Variants in TAF3 observed in about 807,000 individuals in gnomAD.
The protein encoded by TAF3 is TATA-box binding protein associated factor 3, also known as transcription initiation factor TFIID subunit 3.
TAF3 carries 7 observed loss-of-function variants against 80.6 expected under a neutral mutation model. The observed-to-expected ratio is 0.09, with a 90% CI of 0.05 to 0.16. The LOEUF (loss-of-function observed/expected upper bound fraction) is 0.16, where lower values mean the gene tolerates loss of function less well. Among genes scored for constraint, TAF3 ranks in the 10% least tolerant of loss-of-function variants. TAF3 has a pLI of 1.00. For missense variants in TAF3, 921 were observed against 1,140.2 expected (o/e 0.81, Z 2.77); for synonymous variants, 444 against 446.1 (o/e 1.00, Z 0.06).
At chr10:7,968,883 G>A (rs749573126) in intron 3 of TAF3, among the ~76,000 whole-genome samples, 2 of 152,224 alleles carry the variant, frequency 1.3e-5, no homozygotes, top group Non-Finnish European at 2.9e-5. Context: ...TTTTCTATTA[G>A]TGATGATAAA....
intron 2 of TAF3, among the ~76,000 whole-genome samples, chr10:7,940,626 G>A (rs1327649260): frequency 6.6e-6 from 1 of 152,120 alleles, no homozygotes. Flanking sequence ...GACAGTTCTT[G>A]TAAAGTAGAT....
At chr10:7,995,477 T>A (rs548065170) in intron 4 of TAF3, among the ~76,000 whole-genome samples, 29 of 152,322 alleles carry the variant, frequency 1.9e-4, no homozygotes, top group African/African-American at 6.5e-4. Context: ...TTCTAGTGTA[T>A]CTCATTGCAA....
chr10:7,994,668 GA>G (rs1831867222), intron 4 of TAF3, among the ~76,000 whole-genome samples: 1 of 151,918 alleles, frequency 6.6e-6, no homozygotes, highest in Non-Finnish European at 1.5e-5. Context: ...TTTCACATTA[GA>G]AATCCTGAGT....
intron 4 of TAF3, among the ~76,000 whole-genome samples, chr10:7,990,609 A>G (rs1364889441): frequency 6.6e-6 from 1 of 152,220 alleles, no homozygotes; most frequent in Non-Finnish European, 1.5e-5. Context: ...ACATTAAAAG[A>G]AGAAAAATGG....
chr10:7,888,706 A>G (rs1395796784), intron 2 of TAF3, among the ~76,000 whole-genome samples: 1 of 152,194 alleles, frequency 6.6e-6, no homozygotes, highest in East Asian at 1.9e-4. Context: ...AATATACTAT[A>G]CTAATTATAA....
Position 8,015,962 on chromosome 10 carries a change from G to A in TAF3, c.*1211G>A. ...TAATATTGTGCTTTAAGGCTGAAAT[G>A]AAGTATATTATGAATTTTTTTAAGA... On this transcript the variant is annotated 3_prime_UTR_variant, in exon 7 of 7. Transcript: ENST00000344293. 6.6e-6 allele frequency: 1 copy of A among 151,904 alleles called. No homozygotes were observed. The highest frequency in any genetic ancestry group is 2.1e-4 in the South Asian group (1 of 4,812). The allele number at this position is 151,904 out of a possible 1,614,324, so 9.4% of individuals were successfully genotyped here.
At chr10:7,920,010 G>GAT in intron 2 of TAF3, among the ~76,000 whole-genome samples, 2 of 152,016 alleles carry the variant, frequency 1.3e-5, no homozygotes, top group Non-Finnish European at 2.9e-5. Context: ...TTTTAGGAGG[G>GAT]TGAGGCAGGA....
At chr10:7,954,308 A>C (rs1838113443) in intron 2 of TAF3, among the ~76,000 whole-genome samples, 1 of 139,032 alleles carries the variant, frequency 7.2e-6, no homozygotes, top group Non-Finnish European at 1.6e-5. Flanking sequence ...TGAGATTCAG[A>C]GTGCACTCCA....
At chr10:7,919,382 G>T (rs551040307) in intron 2 of TAF3, among the ~76,000 whole-genome samples, 1 of 152,288 alleles carries the variant, frequency 6.6e-6, no homozygotes, top group East Asian at 1.9e-4. Context: ...CTGAAATCTT[G>T]CAGGGTGTAC....
chr10:7,863,718 T>TACACACACATATATATATACACACAC (rs766163037), intron 2 of TAF3, among the ~76,000 whole-genome samples: 6 of 52,568 alleles, frequency 1.1e-4, no homozygotes, highest in East Asian at 6.7e-4. Flanking sequence ...CATATATATA[T>TACACACACATATATATATACACACAC]ACACATATAT....
Position 7,965,737 on chromosome 10 carries a change from G to T in TAF3, c.2227G>T (p.Glu743Ter). 1 of 1,529,698 alleles carries T rather than the reference G, an allele frequency of 6.5e-7. No individual in the cohort carries two copies. Among genetic ancestry groups the T allele is most frequent in the South Asian group, 1.4e-5 (1 of 72,470 alleles). 94.8% of individuals were successfully genotyped at this position (1,529,698 alleles called of 1,614,324 possible). The change falls in exon 3 of 7, where the codon GAA becomes TAA. Residue 743 changes from glutamate (E) to a stop codon, truncating the protein, a stop_gained. Coordinates refer to ENST00000344293, the MANE Select transcript of TAF3 (RefSeq NM_031923.4). LOFTEE classifies it high-confidence loss of function. Reference sequence around the variant, plus strand: ...AAAAGAGAAGGAGAAACACAAGCATGAAAAAGTAAGCAGTTTCTCATTTTT... The same window carrying T: ...AAAAGAGAAGGAGAAACACAAGCATTAAAAAGTAAGCAGTTTCTCATTTTT... ...REKEKEKHKH[E>*]KIKVEPVALA...
chr10:7,864,754 G>A (rs946569263), intron 2 of TAF3, among the ~76,000 whole-genome samples: 1 of 151,524 alleles, frequency 6.6e-6, no homozygotes, highest in Non-Finnish European at 1.5e-5. Context: ...CCTGTGGTTT[G>A]CTTTTTCATT....
At chr10:7,951,696 C>T (rs1838084378) in intron 2 of TAF3, among the ~76,000 whole-genome samples, 1 of 152,170 alleles carries the variant, frequency 6.6e-6, no homozygotes, top group Non-Finnish European at 1.5e-5. Flanking sequence ...CAGTCTGACT[C>T]GTACTTCTCA....
At chr10:7,838,070 C>T (rs1453952395) in intron 2 of TAF3, among the ~76,000 whole-genome samples, 1 of 152,176 alleles carries the variant, frequency 6.6e-6, no homozygotes, top group Non-Finnish European at 1.5e-5. Context: ...CTATCATTCC[C>T]ATTTATGGAA....
intron 6 of TAF3, 21 bp downstream of exon 6, chr10:8,013,858 GC>G (rs1431352858): frequency 2.5e-6 from 4 of 1,601,670 alleles, no homozygotes; most frequent in Non-Finnish European, 3.4e-6. Flanking sequence ...AGGGCGCCCT[GC>G]CGGCCACACT....
chr10:7,991,575 A>G (rs1358539540), intron 4 of TAF3, among the ~76,000 whole-genome samples: 6 of 152,198 alleles, frequency 3.9e-5, no homozygotes, highest in African/African-American at 1.4e-4. Context: ...CACAAAGGTC[A>G]GGAGTGTGAT....
intron 2 of TAF3, among the ~76,000 whole-genome samples, chr10:7,878,287 A>G (rs1327132612): frequency 6.7e-6 from 1 of 149,884 alleles, no homozygotes; most frequent in Non-Finnish European, 1.5e-5. Context: ...GGGTAAATAG[A>G]TTGTGAAATA....
intron 2 of TAF3, among the ~76,000 whole-genome samples, chr10:7,911,486 A>G (rs1451715522): frequency 6.6e-6 from 1 of 152,252 alleles, no homozygotes; most frequent in Non-Finnish European, 1.5e-5. Context: ...ATTTTAAGAA[A>G]TGGCTGGTGT....
rs75501993 is a variant in TAF3 at position 7,824,663 on chromosome 10, A to G, written c.409+103A>G. ...CAACTTTATAAATTCTGGAAACACA[A>G]TAGAAACATTTACTGTTACTTACAA... On this transcript the variant is annotated intron_variant, in intron 2 of 6. Transcript: ENST00000344293. 1,143 of 1,386,600 alleles carry G rather than the reference A, an allele frequency of 8.2e-4. 10 individuals carry two copies. In the African/African-American group the frequency reaches 0.015, roughly 18 times the overall value. The allele number at this position is 1,386,600 out of a possible 1,614,324, so 85.9% of individuals were successfully genotyped here.
Sources: gnomAD v4.1 joint callset for allele counts (sites outside exome capture counted in the v4.1 genomes callset) on GRCh38, gnomAD v4.1.1 for gene constraint, MANE v1.5 for transcripts, NCBI Gene and HGNC (gene_info 2026-07-23, HGNC 2026-07-21) for gene names.